Variants in NEK10 observed in about 807,000 individuals in gnomAD.
The protein encoded by NEK10 is serine/threonine-protein kinase Nek10.
Under a neutral mutation model 159.8 loss-of-function variants are expected in NEK10, and 122 were observed. That is an observed-to-expected ratio of 0.76 (90% CI 0.66 to 0.89). NEK10 has a LOEUF of 0.89. Ranked by LOEUF, NEK10 falls within the 40% of genes least tolerant of loss-of-function variation. The pLI is 0.00. For missense variants in NEK10, 1,342 were observed against 1,323.1 expected, an observed-to-expected ratio of 1.01 and a Z score of -0.22; for synonymous variants, 466 against 457.1, an observed-to-expected ratio of 1.02 and a Z score of -0.25.
In NEK10 at chr3:27,335,605, T is replaced by C. The variant is rs146595352; in HGVS notation, c.362+8667A>G. 5.9e-5 allele frequency among the ~76,000 whole-genome samples: 9 copies of C among 152,276 alleles called. No individual in the cohort carries two copies. The East Asian group carries it at 1.7e-3, about 29-fold the overall frequency. Reference sequence around the variant, plus strand: ...ATAGAACATTCTCCATGATAGACCATGTTAGGCTAAAAAGTAAGTCTCAAC... The same window carrying C: ...ATAGAACATTCTCCATGATAGACCACGTTAGGCTAAAAAGTAAGTCTCAAC... On this transcript the variant is annotated intron_variant, in intron 5 of 35. Transcript: ENST00000691995.
intron 23 of NEK10, among the ~76,000 whole-genome samples, chr3:27,221,020 G>C (rs1952050124): frequency 6.6e-6 from 1 of 152,086 alleles, no homozygotes; most frequent in Non-Finnish European, 1.5e-5. Flanking sequence ...AAAAATTAAT[G>C]CTAAATGAGT....
chr3:27,115,022 C>G (rs1282027126), intron 35 of NEK10, among the ~76,000 whole-genome samples: 1 of 152,132 alleles, frequency 6.6e-6, no homozygotes, highest in African/African-American at 2.4e-5. Flanking sequence ...CACTTCTTTT[C>G]CTGAGGATTT....
chr3:27,280,540 C>T (rs1368054936), intron 22 of NEK10, among the ~76,000 whole-genome samples: 3 of 152,104 alleles, frequency 2.0e-5, no homozygotes, highest in Admixed American at 6.5e-5. Context: ...TCCTTGAGCC[C>T]CGTTTGTTGA....
At chr3:27,172,745 C>T (rs1330367380) in intron 28 of NEK10, among the ~76,000 whole-genome samples, 1 of 151,820 alleles carries the variant, frequency 6.6e-6, no homozygotes, top group African/African-American at 2.4e-5. Flanking sequence ...TAAATAGGTA[C>T]AAATATATTA....
Position 27,307,881 on chromosome 3 carries a change from C to A in NEK10, c.781G>T (p.Glu261Ter), listed in dbSNP as rs2044362742. 2 of 1,548,958 alleles carry A rather than the reference C, an allele frequency of 1.3e-6. No homozygotes were observed. The highest frequency in any genetic ancestry group is 1.7e-5 in the Admixed American group (1 of 59,624). Residue 261 changes from glutamate to a stop codon, truncating the protein, a stop_gained, in exon 11 of 36, where the codon GAA becomes TAA. Coordinates refer to ENST00000691995, the MANE Select transcript of NEK10 (RefSeq NM_001394966.1). LOFTEE classifies it high-confidence loss of function. ...TACCTTTTAGAAAGCAAGTCATATT[C>A]ATGTAAAATCATCAACAGATTTTCT... is the stretch of plus-strand genomic sequence containing the variant. Reference protein sequence around the residue: ...IVENLLMILHEYDLLSKRLTA... With the variant: ...IVENLLMILH
chr3:27,315,627 A>T (rs1258421152), intron 6 of NEK10, among the ~76,000 whole-genome samples: 1 of 151,768 alleles, frequency 6.6e-6, no homozygotes, highest in East Asian at 1.9e-4. Context: ...TTCAACAAAC[A>T]TTTTTTCCAT....
intron 23 of NEK10, among the ~76,000 whole-genome samples, chr3:27,240,514 C>T (rs1290119998): frequency 1.3e-5 from 2 of 152,190 alleles, no homozygotes; most frequent in African/African-American, 2.4e-5. Context: ...TGTATTCCTG[C>T]TCCTTAACAG....
At chr3:27,174,118 C>G (rs1156318530) in intron 28 of NEK10, among the ~76,000 whole-genome samples, 2 of 152,162 alleles carry the variant, frequency 1.3e-5, no homozygotes, top group Non-Finnish European at 2.9e-5. Flanking sequence ...AACCAACAGG[C>G]TCATAAAAGG....
Position 27,147,365 on chromosome 3 carries a change from C to G in NEK10, c.2870-5783G>C, listed in dbSNP as rs1195619964. On this transcript the variant is annotated intron_variant, in intron 30 of 35. Transcript: ENST00000691995. ...AACTTCCCAACACAGACCAGTAGAC[C>G]ATTCTATAATCAGACAAAAAGTGTT... is the stretch of plus-strand genomic sequence containing the variant. 2.0e-5 allele frequency among the ~76,000 whole-genome samples: 3 copies of G among 152,150 alleles called. No homozygotes were observed. In the East Asian group the frequency reaches 5.8e-4, roughly 29 times the overall value.
intron 23 of NEK10, among the ~76,000 whole-genome samples, chr3:27,230,291 G>C (rs919704296): frequency 3.9e-5 from 6 of 151,974 alleles, no homozygotes; most frequent in Non-Finnish European, 7.4e-5. Flanking sequence ...ATAAAGGAGA[G>C]AGAAAGTCTT....
Position 27,307,901 on chromosome 3 carries a change from T to C in NEK10, c.761A>G (p.Asn254Ser), listed in dbSNP as rs1442534367. The change falls in exon 11 of 36, where the codon AAT becomes AGT. Residue 254 changes from asparagine (N) to serine (S), a missense_variant. By Grantham distance (46) the Asn-to-Ser change is conservative. Transcript: ENST00000691995. ...EKISELNIVENLLMILHEYDL... is the reference protein window; with the variant it reads ...EKISELNIVESLLMILHEYDL... ...ATATTCATGTAAAATCATCAACAGATTTTCTACAATGTTGAGTTCACTTAT... is the reference window on the plus strand; with the variant it reads ...ATATTCATGTAAAATCATCAACAGACTTTCTACAATGTTGAGTTCACTTAT... 1 of 1,566,678 alleles carries C rather than the reference T, an allele frequency of 6.4e-7. No individual in the cohort carries two copies.
At chr3:27,137,756 C>T (rs373116673) in intron 31 of NEK10, among the ~76,000 whole-genome samples, 3 of 151,944 alleles carry the variant, frequency 2.0e-5, no homozygotes, top group Admixed American at 1.3e-4. Context: ...AGGCAGCCAT[C>T]GGGAAAGAAA....
chr3:27,363,695 T>G (rs1041118849), intron 1 of NEK10: 1 of 152,204 alleles, frequency 6.6e-6, no homozygotes, highest in Admixed American at 6.5e-5. Context: ...ACCTCAAGTA[T>G]ACATGAACAG....
In NEK10 at chr3:27,314,288, G is replaced by A. The variant is rs2044972903; in HGVS notation, c.489+9C>T. The stretch of plus-strand genomic sequence containing the variant: ...AAGGCAAGACCAGCCACCACAAAAG[G>A]AATCTTACCTGAGCTAGGTTTTCAA... On this transcript the variant is annotated intron_variant, in intron 7 of 35. Transcript: ENST00000691995. The A allele has an allele frequency of 6.3e-7, 1 of 1,595,522 alleles. No homozygotes were observed.
At chr3:27,309,720 A>G (rs2044533543) in intron 9 of NEK10, 1 of 152,254 alleles carries the variant, frequency 6.6e-6, no homozygotes, top group African/African-American at 2.4e-5. Context: ...TGAGCCAGGC[A>G]TTGTGCTAGG....
chr3:27,155,196 C>A (rs1333698468), intron 30 of NEK10, among the ~76,000 whole-genome samples: 4 of 152,138 alleles, frequency 2.6e-5, no homozygotes, highest in African/African-American at 9.7e-5. Context: ...ATTCTTTTCA[C>A]AATAGCTGCA....
rs542824586 is a variant in NEK10 at position 27,341,270 on chromosome 3, G to A, written c.362+3002C>T. 7.4e-4 allele frequency among the ~76,000 whole-genome samples: 112 copies of A among 152,230 alleles called. 2 individuals are homozygous for A. In the Middle Eastern group the frequency reaches 0.01, roughly 14 times the overall value. On this transcript the variant is annotated intron_variant, in intron 5 of 35. Transcript: ENST00000691995. ...AAATGTATTGTTAGATGAAAGGTAT[G>A]AGTTCCATCATTTGACAGCAGAATC...
At chr3:27,162,788 G>A in intron 29 of NEK10, 50 bp from the exon 30 acceptor site, 1 of 1,612,372 alleles carries the variant, frequency 6.2e-7, no homozygotes, top group Non-Finnish European at 8.5e-7. Context: ...ACTTGGATTT[G>A]ACAAACTAAG....
In NEK10 at chr3:27,362,303, T is replaced by A. The variant is rs546599212; in HGVS notation, c.-38+6922A>T. On this transcript the variant is annotated intron_variant, in intron 1 of 35. Transcript: ENST00000691995. ...AGAAGGCAAGTGTTGGGAAAAGGAG[T>A]AAGTGGCAGCCTTCAGTCTGCAAGC... Among the ~76,000 whole-genome samples, 3 of 151,968 alleles carry A rather than the reference T, an allele frequency of 2.0e-5. No individual in the cohort carries two copies. The East Asian group carries it at 5.8e-4, about 30-fold the overall frequency.
Sources: allele counts gnomAD v4.1 joint callset (sites outside exome capture counted in the v4.1 genomes callset), GRCh38; gene constraint gnomAD v4.1.1; transcripts MANE v1.5; gene names NCBI Gene and HGNC (gene_info 2026-07-23, HGNC 2026-07-21).